Variants in STK32C observed in about 807,000 individuals in gnomAD.
STK32C encodes serine/threonine-protein kinase 32C.
STK32C carries 31 observed loss-of-function variants against 56.5 expected under a neutral mutation model. The observed-to-expected ratio is 0.55, with a 90% CI of 0.41 to 0.74. The LOEUF (loss-of-function observed/expected upper bound fraction) is 0.74, where lower values mean the gene tolerates loss of function less well. Among genes scored for constraint, STK32C ranks in the 30% least tolerant of loss-of-function variants. The pLI, the probability that STK32C is intolerant of heterozygous loss-of-function variation, is 0.00. For synonymous variants in STK32C, 309 were observed against 289.4 expected (o/e 1.07, Z -0.69); for missense variants, 544 against 676.9 (o/e 0.80, Z 2.18).
At chr10:132,239,562 C>A (rs557485636) in intron 2 of STK32C, among the ~76,000 whole-genome samples, 1 of 152,210 alleles carries the variant, frequency 6.6e-6, no homozygotes, top group African/African-American at 2.4e-5. Context: ...CTGCCCTGAG[C>A]GGGGTGGCCA....
At chr10:132,249,047 T>C (rs1487537951) in intron 1 of STK32C, 2 of 476,010 alleles carry the variant, frequency 4.2e-6, no homozygotes, top group South Asian at 1.6e-5. Flanking sequence ...GCCTCCCGAC[T>C]GTGCGACGGA....
At chr10:132,220,332 C>G (rs1490977907) in intron 10 of STK32C, among the ~76,000 whole-genome samples, 1 of 152,238 alleles carries the variant, frequency 6.6e-6, no homozygotes, top group East Asian at 1.9e-4. Context: ...TGGTTTTCCT[C>G]CCCGGAGAGC....
chr10:132,232,796 CGGA>C (rs1565088548), intron 2 of STK32C, among the ~76,000 whole-genome samples: 1 of 151,942 alleles, frequency 6.6e-6, no homozygotes, highest in African/African-American at 2.4e-5. Context: ...CAGCGCCACC[CGGA>C]GCCCTGGGCT....
intron 1 of STK32C, among the ~76,000 whole-genome samples, chr10:132,250,966 G>A (rs1590267222): frequency 1.3e-5 from 2 of 152,312 alleles, no homozygotes; most frequent in Admixed American, 6.5e-5. Context: ...CTGCCAGTGG[G>A]AGGGTACAGT....
intron 2 of STK32C, among the ~76,000 whole-genome samples, chr10:132,241,770 C>A (rs1250754331): frequency 6.6e-6 from 1 of 152,178 alleles, no homozygotes; most frequent in Non-Finnish European, 1.5e-5. Context: ...CCTCGACGGG[C>A]TGTCCACAAG....
intron 1 of STK32C, among the ~76,000 whole-genome samples, 170 bp from the exon 2 acceptor site, chr10:132,246,125 G>C (rs868109807): frequency 6.6e-6 from 1 of 152,234 alleles, no homozygotes; most frequent in Non-Finnish European, 1.5e-5. Context: ...GCAGGAGGGG[G>C]CTGAGCCCCG....
At chr10:132,210,436 C>T (rs1232210820) in intron 10 of STK32C, among the ~76,000 whole-genome samples, 5 of 152,164 alleles carry the variant, frequency 3.3e-5, no homozygotes, top group African/African-American at 4.8e-5. Flanking sequence ...TTTGTAGAGA[C>T]GGGGTTTCAC....
chr10:132,307,273 G>A lies in STK32C; in HGVS notation c.262+299C>T, dbSNP rs1466537690. On this transcript the variant is annotated intron_variant, in intron 1 of 11. Coordinates refer to ENST00000298630, the MANE Select transcript of STK32C (RefSeq NM_173575.4). This position sits in a 1 kb window ranked among gnomAD's most constrained non-coding sequence, Gnocchi z 4.4. ...GGAAAGCGGAAAGCAGGGCTGCCAC[G>A]GGCGGTGGGCGGAGGCGCGCGCAAG... 4.0e-6 allele frequency: 1 copy of A among 251,692 alleles called. No individual in the cohort carries two copies. Among genetic ancestry groups the A allele is most frequent in the Non-Finnish European group, 7.5e-6 (1 of 132,682 alleles). 15.6% of individuals were successfully genotyped at this position (251,692 alleles called of 1,614,324 possible).
intron 2 of STK32C, among the ~76,000 whole-genome samples, chr10:132,236,942 G>A (rs1427917135): frequency 3.9e-5 from 6 of 152,136 alleles, no homozygotes; most frequent in South Asian, 2.1e-4. Flanking sequence ...CCACGCGCCC[G>A]CCAAGGTCTG....
intron 1 of STK32C, among the ~76,000 whole-genome samples, chr10:132,264,563 C>T (rs890203202): frequency 5.9e-5 from 9 of 152,180 alleles, no homozygotes; most frequent in African/African-American, 1.2e-4. Context: ...AGGAGGGACC[C>T]GGGCCAGGAC....
At chr10:132,248,700 A>AC (rs1371189482) in intron 1 of STK32C, among the ~76,000 whole-genome samples, 1 of 152,172 alleles carries the variant, frequency 6.6e-6, no homozygotes, top group Non-Finnish European at 1.5e-5. Flanking sequence ...CAGGCCCCTG[A>AC]CCCTGGCACT....
At chr10:132,286,628 C>A (rs935147849) in intron 1 of STK32C, among the ~76,000 whole-genome samples, 1 of 151,988 alleles carries the variant, frequency 6.6e-6, no homozygotes, top group African/African-American at 2.4e-5. Context: ...ATTACACAAA[C>A]AAAATAAAGG....
chr10:132,236,274 G>A (rs1223198992), intron 2 of STK32C, among the ~76,000 whole-genome samples: 1 of 152,254 alleles, frequency 6.6e-6, no homozygotes, highest in Non-Finnish European at 1.5e-5. Flanking sequence ...TGGGCTCTGG[G>A]CCCACGCGGA....
chr10:132,277,627 C>T (rs1311371990), intron 1 of STK32C, among the ~76,000 whole-genome samples: 12 of 152,220 alleles, frequency 7.9e-5, no homozygotes, highest in Non-Finnish European at 4.4e-5. Context: ...GCCTTTGGGA[C>T]AGCGGCAGCC....
chr10:132,223,802 C>G (rs2062772940), intron 8 of STK32C, among the ~76,000 whole-genome samples: 1 of 152,222 alleles, frequency 6.6e-6, no homozygotes, highest in Admixed American at 6.5e-5. Context: ...GGCTCTGACT[C>G]CGAACCCCCT....
At chr10:132,226,390 T>A (rs186748480) in intron 4 of STK32C, among the ~76,000 whole-genome samples, 45 of 152,376 alleles carry the variant, frequency 3.0e-4, no homozygotes, top group Middle Eastern at 3.4e-3. Context: ...TCACACCAGC[T>A]CTGCTTCCTA....
intron 1 of STK32C, among the ~76,000 whole-genome samples, chr10:132,262,744 A>G (rs1565123176): frequency 7.5e-6 from 1 of 133,354 alleles, no homozygotes; most frequent in Non-Finnish European, 1.6e-5. Context: ...CAAGAGTGAG[A>G]CTCCATCTCA....
rs1001040281 is a variant in STK32C at position 132,301,158 on chromosome 10, T to A, written c.262+6414A>T. 3.4e-5 allele frequency among the ~76,000 whole-genome samples: 5 copies of A among 146,272 alleles called. No individual in the cohort carries two copies. In the South Asian group the frequency reaches 1.1e-3, roughly 32 times the overall value. On this transcript the variant is annotated intron_variant, in intron 1 of 11. Transcript: ENST00000298630. ...GCCCAGTAGAAGGCCTGGTCCTCCA[T>A]TAATATGAGCCCAGAATCAGCTCTG...
intron 10 of STK32C, among the ~76,000 whole-genome samples, chr10:132,213,310 C>A (rs1293608360): frequency 6.6e-6 from 1 of 152,232 alleles, no homozygotes; most frequent in African/African-American, 2.4e-5. Context: ...GATTTGGTCA[C>A]AGACTGTGGA....
Sources: allele counts gnomAD v4.1 joint callset (sites outside exome capture counted in the v4.1 genomes callset), GRCh38; gene constraint gnomAD v4.1.1; non-coding constraint Gnocchi (gnomAD v3.1); transcripts MANE v1.5; gene names NCBI Gene and HGNC (gene_info 2026-07-23, HGNC 2026-07-21).